SLCO1B3: variants seen among roughly 807,000 people sequenced by gnomAD.
SLCO1B3 encodes the protein liver-specific organic anion transporter 2.
In SLCO1B3, 72 loss-of-function variants were observed where a neutral mutation model predicts 71.8. That is an observed-to-expected ratio of 1.00 (90% CI 0.83 to 1.22). The LOEUF (loss-of-function observed/expected upper bound fraction) is 1.22. Ranked by LOEUF, SLCO1B3 falls within the 50% of genes most tolerant of loss-of-function variation. The pLI, the probability that SLCO1B3 is intolerant of heterozygous loss-of-function variation, is 0.00. For missense variants in SLCO1B3, 911 were observed against 819.7 expected, an observed-to-expected ratio of 1.11 and a Z score of -1.36; for synonymous variants, 298 against 278.4, an observed-to-expected ratio of 1.07 and a Z score of -0.70.
At chr12:20,895,087 A>G (rs1026040279) in intron 13 of SLCO1B3, among the ~76,000 whole-genome samples, 6 of 152,164 alleles carry the variant, frequency 3.9e-5, no homozygotes, top group African/African-American at 7.2e-5. Flanking sequence ...CCACGATTCA[A>G]TGATCTCCCA....
Position 20,874,778 on chromosome 12 carries a change from A to G in SLCO1B3, c.728-457A>G, listed in dbSNP as rs929494457. 1.3e-4 allele frequency among the ~76,000 whole-genome samples: 20 copies of G among 152,256 alleles called. 1 individual carries two copies. The East Asian group carries it at 3.9e-3, about 29-fold the overall frequency. Reference sequence around the variant, plus strand: ...TTCCTGGGTAGTTAGGGTGCTGTGGATGGAAGCTCCTTTATTGTCTCTAAG... The same window carrying G: ...TTCCTGGGTAGTTAGGGTGCTGTGGGTGGAAGCTCCTTTATTGTCTCTAAG... On this transcript the variant is annotated intron_variant, in intron 8 of 15. Coordinates refer to ENST00000381545, the MANE Select transcript of SLCO1B3 (RefSeq NM_019844.4).
At position 20,841,764 on chromosome 12, in the gene SLCO1B3, T is replaced by C. The variant is rs192759511; in HGVS notation, c.85-13264T>C. ...TCAAGTAGGCCTCAGCATCTATTGTTCACCTGTTTGTGTCCATGTGTACTG... is the reference window on the plus strand; with the variant it reads ...TCAAGTAGGCCTCAGCATCTATTGTCCACCTGTTTGTGTCCATGTGTACTG... On this transcript the variant is annotated intron_variant, in intron 3 of 15. Coordinates refer to ENST00000381545, the MANE Select transcript of SLCO1B3 (RefSeq NM_019844.4). Among the ~76,000 whole-genome samples, 32 of 152,288 alleles carry C rather than the reference T, an allele frequency of 2.1e-4. No homozygotes were observed. The East Asian group carries it at 5.2e-3, about 25-fold the overall frequency.
At chr12:20,833,892 TATATATTC>T (rs1459421519) in intron 3 of SLCO1B3, among the ~76,000 whole-genome samples, 1 of 47,338 alleles carries the variant, frequency 2.1e-5, no homozygotes. Context: ...GTATACAATA[TATATATTC>T]ATGTATATAT....
Position 20,861,104 on chromosome 12 carries a change from A to C in SLCO1B3, c.447A>C (p.Ser149=), listed in dbSNP as rs753113192. The C allele has an allele frequency of 1.2e-6, 2 of 1,600,116 alleles. No individual in the cohort carries two copies. The highest frequency in any genetic ancestry group is 1.7e-6 in the Non-Finnish European group (2 of 1,172,934). The change falls in exon 6 of 16, where the codon TCA becomes TCC. Residue 149 remains serine (S), a synonymous_variant. Coordinates refer to ENST00000381545, the MANE Select transcript of SLCO1B3 (RefSeq NM_019844.4). ...LSTCLINQTL[S]FNGTSPEIVE... ...CCTGTTTAATTAATCAAACCTTATCATTCAATGGAACATCACCTGAGATAG... is the reference window on the plus strand; with the variant it reads ...CCTGTTTAATTAATCAAACCTTATCCTTCAATGGAACATCACCTGAGATAG...
intron 3 of SLCO1B3, among the ~76,000 whole-genome samples, chr12:20,832,249 A>G (rs1230648439): frequency 2.0e-5 from 3 of 152,214 alleles, no homozygotes; most frequent in Admixed American, 6.5e-5. Context: ...AGTTGCATAT[A>G]CAGACTCAGT....
intron 15 of SLCO1B3, among the ~76,000 whole-genome samples, chr12:20,910,317 AT>A (rs1186485650): frequency 4.6e-5 from 7 of 152,104 alleles, no homozygotes; most frequent in African/African-American, 1.7e-4. Flanking sequence ...CTATTCGTAT[AT>A]TATTTTACCA....
At position 20,862,972 on chromosome 12, in the gene SLCO1B3, C is replaced by A. The variant is rs17680137; in HGVS notation, c.727+118C>A. The A allele has an allele frequency of 3.1e-5, 16 of 515,960 alleles. No individual in the cohort carries two copies. The East Asian group carries it at 5.1e-4, about 16-fold the overall frequency. The allele number at this position is 515,960 out of a possible 1,614,324, so 32.0% of individuals were successfully genotyped here. On this transcript the variant is annotated intron_variant, in intron 8 of 15. Transcript: ENST00000381545. ...TTTGTTTACTATTTTTCAAGAGTTA[C>A]AAGTAGGAAATAAATCCATTAATAA...
chr12:20,896,137 G>T (rs1418641463), intron 13 of SLCO1B3, among the ~76,000 whole-genome samples: 2 of 152,182 alleles, frequency 1.3e-5, no homozygotes, highest in African/African-American at 4.8e-5. Flanking sequence ...GCCTTTGACG[G>T]GAGGGGCTAC....
At chr12:20,895,465 T>C (rs1190639648) in intron 13 of SLCO1B3, among the ~76,000 whole-genome samples, 1 of 152,160 alleles carries the variant, frequency 6.6e-6, no homozygotes, top group Admixed American at 6.5e-5. Flanking sequence ...TTATGCAAGT[T>C]TGAAATCCAG....
At chr12:20,908,487 A>C (rs2196018) in intron 15 of SLCO1B3, among the ~76,000 whole-genome samples, 5,863 of 152,160 alleles carry the variant, frequency 0.039, 200 homozygotes, top group East Asian at 0.19. Flanking sequence ...CTCCACTATC[A>C]TAAAAAGTAG....
At chr12:20,841,756 T>C (rs924829301) in intron 3 of SLCO1B3, among the ~76,000 whole-genome samples, 4 of 152,154 alleles carry the variant, frequency 2.6e-5, no homozygotes, top group African/African-American at 9.7e-5. Flanking sequence ...GGCCTCAGCA[T>C]CTATTGTTCA....
rs1314187495 is a variant in SLCO1B3, at chr12:20,909,436, GT to G, written c.1866-6567del. 1.1e-4 allele frequency among the ~76,000 whole-genome samples: 17 copies of G among 151,602 alleles called. 1 individual carries two copies. The East Asian group carries it at 3.3e-3, about 30-fold the overall frequency. ...GATCCGCCCGCCTTGGCCTCCCAAA[GT>G]GCTGGGATTACAGGTGTGAGCCACC... On this transcript the variant is annotated intron_variant, in intron 15 of 15. Transcript: ENST00000381545.
chr12:20,813,014 G>C (rs1456029112), intron 1 of SLCO1B3, among the ~76,000 whole-genome samples: 1 of 152,084 alleles, frequency 6.6e-6, no homozygotes, highest in African/African-American at 2.4e-5. Flanking sequence ...CCAAATTATT[G>C]ATTTTTTTCC....
rs980042330 is a variant in SLCO1B3 at position 20,893,314 on chromosome 12, A to G, written c.1683-5122A>G. ...CTATATTTCCTAAAATAACTAGGAA[A>G]AAGGGCAGAAATAATTTTCACAAAA... On this transcript the variant is annotated intron_variant, in intron 13 of 15. Coordinates refer to ENST00000381545, the MANE Select transcript of SLCO1B3 (RefSeq NM_019844.4). 1.3e-4 allele frequency among the ~76,000 whole-genome samples: 20 copies of G among 152,326 alleles called. No homozygotes were observed. The East Asian group carries it at 1.9e-3, about 15-fold the overall frequency.
intron 3 of SLCO1B3, among the ~76,000 whole-genome samples, chr12:20,847,671 T>C (rs1467549751): frequency 6.6e-6 from 1 of 151,906 alleles, no homozygotes; most frequent in Non-Finnish European, 1.5e-5. Flanking sequence ...GATAGGCCAA[T>C]TGAAAATTTC....
chr12:20,874,792 A>G (rs959875694), intron 8 of SLCO1B3, among the ~76,000 whole-genome samples: 2 of 152,052 alleles, frequency 1.3e-5, no homozygotes, highest in African/African-American at 4.8e-5. Flanking sequence ...AAGCTCCTTT[A>G]TTGTCTCTAA....
At chr12:20,817,229 C>T (rs1326700652) in intron 3 of SLCO1B3, among the ~76,000 whole-genome samples, 2 of 152,080 alleles carry the variant, frequency 1.3e-5, no homozygotes, top group Non-Finnish European at 2.9e-5. Flanking sequence ...GTCAATTTTT[C>T]TTTGGTTGCC....
At position 20,899,406 on chromosome 12, in the gene SLCO1B3, G is replaced by T. The variant is rs147571832; in HGVS notation, c.1747+906G>T. ...CCACTGATGGCAGAAGGAAAAGGAA[G>T]TGGGAGGGGTCAGTTTCTGGGACCC... is the stretch of plus-strand genomic sequence containing the variant. On this transcript the variant is annotated intron_variant, in intron 14 of 15. Coordinates refer to ENST00000381545, the MANE Select transcript of SLCO1B3 (RefSeq NM_019844.4). Among the ~76,000 whole-genome samples the T allele has an allele frequency of 5.1e-3, 775 of 152,292 alleles. 1 individual carries two copies. The highest frequency in any genetic ancestry group is 9.3e-3 in the Non-Finnish European group (631 of 68,018).
intron 3 of SLCO1B3, among the ~76,000 whole-genome samples, chr12:20,825,813 AAAAG>A (rs1052596316): frequency 9.9e-5 from 15 of 151,012 alleles, no homozygotes; most frequent in South Asian, 2.1e-4. Context: ...AAAAAAAAAA[AAAAG>A]AAAGAAAGAA....
Sources: allele counts gnomAD v4.1 joint callset (sites outside exome capture counted in the v4.1 genomes callset), GRCh38; gene constraint gnomAD v4.1.1; transcripts MANE v1.5; gene names NCBI Gene and HGNC (gene_info 2026-07-23, HGNC 2026-07-21).